PPP1R37: variants seen among roughly 807,000 people sequenced by gnomAD.
PPP1R37 encodes the protein protein phosphatase 1 regulatory subunit 37, also known as leucine rich repeat containing 68.
A neutral mutation model predicts 61.0 loss-of-function variants in PPP1R37; 21 were observed. The observed-to-expected ratio is 0.34, with a 90% confidence interval of 0.24 to 0.50. The LOEUF is 0.50. PPP1R37 is among the 20% of genes least tolerant of loss of function. PPP1R37 has a pLI of 0.98. For missense variants in PPP1R37, 910 were observed against 952.7 expected, an observed-to-expected ratio of 0.96 and a Z score of 0.59; for synonymous variants, 443 against 433.5, an observed-to-expected ratio of 1.02 and a Z score of -0.27.
At chr19:45,093,637 G>A in intron 1 of PPP1R37, 110 bp downstream of exon 1, 3 of 726,924 alleles carry the variant, frequency 4.1e-6, no homozygotes, top group Non-Finnish European at 6.7e-6. Context: ...ACCTAATGGT[G>A]AATAAGGGGA....
At chr19:45,113,538 A>G (rs1047347860) in intron 1 of PPP1R37, among the ~76,000 whole-genome samples, 1 of 152,182 alleles carries the variant, frequency 6.6e-6, no homozygotes, top group East Asian at 1.9e-4. Flanking sequence ...GCCCTGCACG[A>G]TGGTAGCAGA....
chr19:45,126,627 CTCTTT>C (rs1968408487), intron 1 of PPP1R37, among the ~76,000 whole-genome samples: 1 of 152,314 alleles, frequency 6.6e-6, no homozygotes, highest in East Asian at 1.9e-4. Flanking sequence ...TGTTTCTTTT[CTCTTT>C]TGAGATTATG....
chr19:45,106,121 T>C (rs909156870), intron 1 of PPP1R37, among the ~76,000 whole-genome samples: 18 of 152,172 alleles, frequency 1.2e-4, no homozygotes, highest in African/African-American at 4.3e-4. Context: ...CACCAGCCCC[T>C]TCCTCATCTC....
At chr19:45,137,209 C>T (rs888634632) in intron 1 of PPP1R37, among the ~76,000 whole-genome samples, 1 of 152,226 alleles carries the variant, frequency 6.6e-6, no homozygotes, top group Non-Finnish European at 1.5e-5. Context: ...GCTGGTCACC[C>T]TGAGGTAAAA....
chr19:45,141,318 G>T lies in PPP1R37; in HGVS notation c.448-4G>T, dbSNP rs566318265. On this transcript the variant is annotated splice_region_variant and splice_polypyrimidine_tract_variant and intron_variant, in intron 4 of 12. Coordinates refer to ENST00000221462, the MANE Select transcript of PPP1R37 (RefSeq NM_019121.2). ...AGGCTGAGCCCCCGAATCTCTATGC[G>T]CAGGGTGCCTCGGCCCTCTTCGACA... The T allele has an allele frequency of 1.2e-5, 19 of 1,534,476 alleles. No individual in the cohort carries two copies. Among genetic ancestry groups the T allele is most frequent in the Admixed American group, 2.0e-5 (1 of 50,728 alleles).
intron 1 of PPP1R37, among the ~76,000 whole-genome samples, chr19:45,120,143 A>G (rs974215056): frequency 6.7e-6 from 1 of 148,982 alleles, no homozygotes; most frequent in Non-Finnish European, 1.5e-5. Context: ...TCAGCCTCCC[A>G]AGTAGCTGGG....
Position 45,146,468 on chromosome 19 carries a change from T to C in PPP1R37, c.2072T>C (p.Leu691Pro). Residue 691 changes from leucine (L) to proline (P), a missense_variant, in exon 12 of 13, where the codon CTG becomes CCG. Leu to Pro is a moderately conservative substitution (Grantham distance 98, BLOSUM62 -3). Around this residue, in one of 3 missense-constraint regions of PPP1R37, gnomAD observed 549 missense variants for 505.1 expected, o/e 1.09. Transcript: ENST00000221462. ...EASQESGQET[L>P] The stretch of plus-strand genomic sequence containing the variant: ...AGTCAGGAATCCGGGCAGGAGACAC[T>C]GTGACACTTTAGGTGAGGCCAGGCC... 1.3e-6 allele frequency: 2 copies of C among 1,535,074 alleles called. No individual in the cohort carries two copies. The highest frequency in any genetic ancestry group is 8.7e-7 in the Non-Finnish European group (1 of 1,146,244).
Position 45,093,279 on chromosome 19 carries a change from G to T in PPP1R37, c.-47G>T. On this transcript the variant is annotated 5_prime_UTR_variant, in exon 1 of 13. Transcript: ENST00000221462. ...GGCGGACCCGGAGAGACAAATCCGG[G>T]GCCCGGGGCATGTCCCCGGGGCCCC... 1 of 1,334,722 alleles carries T rather than the reference G, an allele frequency of 7.5e-7. No homozygotes were observed. The highest frequency in any genetic ancestry group is 9.6e-7 in the Non-Finnish European group (1 of 1,041,394). 82.7% of individuals were successfully genotyped at this position (1,334,722 alleles called of 1,614,324 possible). A position where few individuals can be genotyped will look rare whatever the true frequency, so the allele number is the denominator to read the frequency against.
At position 45,146,433 on chromosome 19, in the gene PPP1R37, T is replaced by C. The variant is rs200353382; in HGVS notation, c.2037T>C (p.Leu679=). 1 of 1,535,842 alleles carries C rather than the reference T, an allele frequency of 6.5e-7. No individual in the cohort carries two copies. Among genetic ancestry groups the C allele is most frequent in the Non-Finnish European group, 8.7e-7 (1 of 1,146,776 alleles). Residue 679 remains leucine, a synonymous_variant, in exon 12 of 13, where the codon CTT becomes CTC. Transcript: ENST00000221462. ...ACGAGAAGGAGCTCGAGGAGCTGCTTCTGGAAGCCAGTCAGGAATCCGGGC... is the reference window on the plus strand; with the variant it reads ...ACGAGAAGGAGCTCGAGGAGCTGCTCCTGGAAGCCAGTCAGGAATCCGGGC... ...SKNEKELEEL[L]LEASQESGQE...
rs1005981830 is a variant in PPP1R37 at position 45,145,485 on chromosome 19, A to T, written c.1429A>T (p.Thr477Ser). Reference protein sequence around the residue: ...PPQLSASMPETTATEPQPDDE... With the variant: ...PPQLSASMPESTATEPQPDDE... The stretch of plus-strand genomic sequence containing the variant: ...ACAGCTGTCGGCCTCCATGCCTGAG[A>T]CCACCGCCACCGAGCCCCAGCCCGA... The change falls in exon 11 of 13, where the codon ACC becomes TCC. Residue 477 changes from threonine (T) to serine (S), a missense_variant. This residue lies in a region of PPP1R37 where 549 missense variants were observed against 505.1 expected (regional missense o/e 1.09). Coordinates refer to ENST00000221462, the MANE Select transcript of PPP1R37 (RefSeq NM_019121.2). 5 of 1,534,252 alleles carry T rather than the reference A, an allele frequency of 3.3e-6. No homozygotes were observed. In the Admixed American group the frequency reaches 5.9e-5, roughly 18 times the overall value.
intron 1 of PPP1R37, among the ~76,000 whole-genome samples, chr19:45,132,743 G>GT (rs1968494072): frequency 2.6e-5 from 4 of 151,746 alleles, no homozygotes; most frequent in Admixed American, 1.3e-4. Context: ...TGATTTTTTA[G>GT]TTTTTTGTAG....
chr19:45,124,485 C>T (rs1568445751), intron 1 of PPP1R37, among the ~76,000 whole-genome samples: 1 of 152,160 alleles, frequency 6.6e-6, no homozygotes, highest in Non-Finnish European at 1.5e-5. Context: ...TGAAGGGCGG[C>T]CCCTGAGACC....
At chr19:45,127,095 A>G (rs1297172449) in intron 1 of PPP1R37, among the ~76,000 whole-genome samples, 1 of 152,138 alleles carries the variant, frequency 6.6e-6, no homozygotes, top group African/African-American at 2.4e-5. Flanking sequence ...CACACCTGTA[A>G]TCCCAGCACT....
At chr19:45,100,617 G>C (rs1019162473) in intron 1 of PPP1R37, among the ~76,000 whole-genome samples, 8 of 152,366 alleles carry the variant, frequency 5.3e-5, no homozygotes, top group Admixed American at 1.3e-4. Flanking sequence ...CGAAGCCTGC[G>C]CAGTAATAAC....
rs1968675284 is a variant in PPP1R37, at chr19:45,145,333, G to A, written c.1297-20G>A. 1 of 1,529,618 alleles carries A rather than the reference G, an allele frequency of 6.5e-7. No individual in the cohort carries two copies. The highest frequency in any genetic ancestry group is 1.2e-5 in the South Asian group (1 of 83,350). The allele number at this position is 1,529,618 out of a possible 1,614,324, so 94.8% of individuals were successfully genotyped here. ...TGGTGGGGCCGGCCTGAGAGCCCTAGCCAGGCGCTCCCGCCACAGGTGAAG... is the reference window on the plus strand; with the variant it reads ...TGGTGGGGCCGGCCTGAGAGCCCTAACCAGGCGCTCCCGCCACAGGTGAAG... On this transcript the variant is annotated intron_variant, in intron 10 of 12. Transcript: ENST00000221462.
At position 45,144,953 on chromosome 19, in the gene PPP1R37, G is replaced by A. The variant is rs1423305495; in HGVS notation, c.1087G>A (p.Val363Met). The A allele has an allele frequency of 5.9e-6, 9 of 1,535,500 alleles. 1 individual carries two copies. The highest frequency in any genetic ancestry group is 7.8e-6 in the Non-Finnish European group (9 of 1,146,666). ...LKNGLISNRS[V>M]LRLGLASTKL... ...GAACGGGCTCATCAGCAACCGCAGCGTGCTGCGCCTCGGGCTGGCCTCCAC... is the reference window on the plus strand; with the variant it reads ...GAACGGGCTCATCAGCAACCGCAGCATGCTGCGCCTCGGGCTGGCCTCCAC... The change falls in exon 9 of 13, where the codon GTG becomes ATG. Residue 363 changes from valine to methionine, a missense_variant. Val to Met is a conservative substitution (Grantham distance 21, BLOSUM62 1). Coordinates refer to ENST00000221462, the MANE Select transcript of PPP1R37 (RefSeq NM_019121.2).
intron 1 of PPP1R37, among the ~76,000 whole-genome samples, chr19:45,115,890 C>G (rs1406864532): frequency 2.0e-5 from 3 of 151,628 alleles, no homozygotes. Context: ...AGGAGAATTG[C>G]GTGAACCCAG....
intron 7 of PPP1R37, 95 bp downstream of exon 7, chr19:45,142,553 A>C: frequency 7.8e-7 from 1 of 1,287,778 alleles, no homozygotes; most frequent in Non-Finnish European, 1.1e-6. Context: ...GACATGGCCA[A>C]GACCACCCCA....
chr19:45,139,725 G>A (rs745494916), intron 2 of PPP1R37, among the ~76,000 whole-genome samples: 1 of 152,212 alleles, frequency 6.6e-6, no homozygotes, highest in Non-Finnish European at 1.5e-5. Flanking sequence ...CCATCGGCCT[G>A]GTTCAGACCA....
Sources: allele counts gnomAD v4.1 joint callset (sites outside exome capture counted in the v4.1 genomes callset), GRCh38; gene constraint gnomAD v4.1.1; regional missense constraint gnomAD v4.1.1; transcripts MANE v1.5; gene names NCBI Gene and HGNC (gene_info 2026-07-23, HGNC 2026-07-21).